The following ZNF438 variants were observed in gnomAD, a reference collection of about 807,000 sequenced individuals.
ZNF438 encodes zinc finger protein 438.
ZNF438 carries 25 observed loss-of-function variants against 38.0 expected under a neutral mutation model. The ratio of observed to expected loss-of-function variants is 0.66; its 90% CI spans 0.48 to 0.92. The LOEUF (loss-of-function observed/expected upper bound fraction) is 0.92, where lower values mean the gene tolerates loss of function less well. Ranked by LOEUF, ZNF438 falls within the 40% of genes least tolerant of loss-of-function variation. ZNF438 has a pLI of 0.00. For synonymous variants in ZNF438, 372 were observed against 364.1 expected (o/e 1.02, Z -0.25); for missense variants, 1,007 against 999.6 (o/e 1.01, Z -0.10).
At chr10:30,858,894 G>C (rs1305577392) in intron 4 of ZNF438, among the ~76,000 whole-genome samples, 1 of 152,182 alleles carries the variant, frequency 6.6e-6, no homozygotes, top group Non-Finnish European at 1.5e-5. Context: ...TTGTCAAACA[G>C]TGCATCCATC....
At chr10:31,002,587 C>G (rs2054764903) in intron 1 of ZNF438, among the ~76,000 whole-genome samples, 1 of 152,036 alleles carries the variant, frequency 6.6e-6, no homozygotes, top group South Asian at 2.1e-4. Flanking sequence ...CTAGCTAGAC[C>G]TGATTTAAAA....
intron 2 of ZNF438, among the ~76,000 whole-genome samples, chr10:30,929,743 A>C (rs1297313784): frequency 4.6e-5 from 7 of 152,196 alleles, no homozygotes; most frequent in African/African-American, 1.7e-4. Flanking sequence ...ACAATCCCTG[A>C]GCTAGACACA....
rs190119021 is a variant in ZNF438 at position 31,024,311 on chromosome 10, C to G, written c.-192+7522G>C. Among the ~76,000 whole-genome samples the G allele has an allele frequency of 1.9e-3, 288 of 151,204 alleles. 2 individuals are homozygous for G. Among genetic ancestry groups the G allele is most frequent in the African/African-American group, 6.7e-3 (279 of 41,394 alleles). ...TTGTCAAGAAGATTAAATGGGATAA[C>G]AATAACTGGTAACTTTAAAAGATTC... is the stretch of plus-strand genomic sequence containing the variant. On this transcript the variant is annotated intron_variant, in intron 1 of 5. Coordinates refer to ENST00000413025, the Ensembl canonical transcript of ZNF438.
At chr10:30,889,260 C>A (rs1365000301) in intron 3 of ZNF438, among the ~76,000 whole-genome samples, 1 of 152,194 alleles carries the variant, frequency 6.6e-6, no homozygotes, top group African/African-American at 2.4e-5. Context: ...ACTTAATCTA[C>A]AGAATAAATT....
At chr10:30,919,080 G>C (rs1308257783) in intron 2 of ZNF438, 1 of 152,106 alleles carries the variant, frequency 6.6e-6, no homozygotes. Flanking sequence ...ATTCCTACTT[G>C]GCCTTCTTTC....
intron 3 of ZNF438, 79 bp downstream of exon 4, chr10:30,908,854 A>T (rs908582497): frequency 6.6e-6 from 1 of 152,176 alleles, no homozygotes; most frequent in African/African-American, 2.4e-5. Flanking sequence ...TTTGCAGTTG[A>T]TTTAAGGTAG....
At chr10:30,892,544 TTC>T (rs1201937714) in intron 3 of ZNF438, among the ~76,000 whole-genome samples, 6 of 151,980 alleles carry the variant, frequency 3.9e-5, no homozygotes, top group Admixed American at 6.5e-5. Context: ...TTTTTTAACA[TTC>T]TGTTTGTATA....
intron 1 of ZNF438, among the ~76,000 whole-genome samples, chr10:30,947,758 G>A (rs139405449): frequency 0.079 from 12,088 of 152,222 alleles, 580 homozygotes; most frequent in Non-Finnish European, 0.11. Flanking sequence ...TCGGAAAAGC[G>A]CAGTATTCGG....
chr10:30,880,785 T>A (rs559651519), intron 3 of ZNF438, among the ~76,000 whole-genome samples: 4 of 152,158 alleles, frequency 2.6e-5, no homozygotes, highest in African/African-American at 9.7e-5. Context: ...AATATGAGAA[T>A]ACGTCATGAC....
In ZNF438 at chr10:30,946,886, T is replaced by C. The variant is rs116834884; in HGVS notation, c.-191-5235A>G. Among the ~76,000 whole-genome samples, 275 of 152,366 alleles carry C rather than the reference T, an allele frequency of 1.8e-3. 1 individual carries two copies. Among genetic ancestry groups the C allele is most frequent in the African/African-American group, 6.2e-3 (258 of 41,588 alleles). On this transcript the variant is annotated intron_variant, in intron 1 of 5. Coordinates refer to ENST00000413025, the Ensembl canonical transcript of ZNF438. ...GCCTATTATAAATATACTTGTATCT[T>C]TGTAGCTTTAGTGATTGTGCTCGTG...
intron 2 of ZNF438, among the ~76,000 whole-genome samples, chr10:30,938,357 C>T (rs2046472378): frequency 6.6e-6 from 1 of 151,876 alleles, no homozygotes; most frequent in African/African-American, 2.4e-5. Flanking sequence ...CTCACTGCAA[C>T]CTCTGCCTCC....
At chr10:30,907,792 TTTTCTC>T (rs1564621064) in intron 3 of ZNF438, among the ~76,000 whole-genome samples, 1 of 151,726 alleles carries the variant, frequency 6.6e-6, no homozygotes, top group African/African-American at 2.4e-5. Context: ...CTTTTATTGA[TTTTCTC>T]TATTGTTTTT....
intron 1 of ZNF438, among the ~76,000 whole-genome samples, chr10:30,983,713 TTCAAA>T (rs2052471972): frequency 6.6e-6 from 1 of 152,232 alleles, no homozygotes; most frequent in South Asian, 2.1e-4. Flanking sequence ...ATCTGGATTT[TTCAAA>T]TTATTTTTTT....
At chr10:30,979,707 C>A (rs572858728) in intron 1 of ZNF438, among the ~76,000 whole-genome samples, 6 of 152,242 alleles carry the variant, frequency 3.9e-5, no homozygotes, top group African/African-American at 1.4e-4. Context: ...TCTCATTGAT[C>A]TAATATTGAC....
At chr10:30,866,788 C>A (rs917166900) in intron 4 of ZNF438, among the ~76,000 whole-genome samples, 2 of 151,418 alleles carry the variant, frequency 1.3e-5, no homozygotes, top group Non-Finnish European at 1.5e-5. Context: ...GAGCCGAGAT[C>A]GCGCCACTGC....
chr10:31,021,579 G>GT (rs1170700976), intron 1 of ZNF438, among the ~76,000 whole-genome samples: 2 of 126,890 alleles, frequency 1.6e-5, no homozygotes, highest in African/African-American at 5.4e-5. Context: ...TTCTCACTTT[G>GT]TTTTTTTTCT....
chr10:30,886,243 A>G (rs1459987501), intron 3 of ZNF438, among the ~76,000 whole-genome samples: 2 of 152,230 alleles, frequency 1.3e-5, no homozygotes, highest in East Asian at 3.8e-4. Context: ...TTCTTTTGCC[A>G]TAACATGAAA....
chr10:30,871,492 T>C (rs1442576716), intron 4 of ZNF438, among the ~76,000 whole-genome samples: 2 of 152,202 alleles, frequency 1.3e-5, no homozygotes, highest in Non-Finnish European at 2.9e-5. Context: ...TCAAGAACTT[T>C]ATAAAAGACC....
chr10:30,923,367 C>G (rs2044543092), intron 2 of ZNF438: 3 of 152,100 alleles, frequency 2.0e-5, no homozygotes. Context: ...ATGTTGTTTT[C>G]ATTTGACAGT....
Sources: gnomAD v4.1 joint callset for allele counts (sites outside exome capture counted in the v4.1 genomes callset) on GRCh38, gnomAD v4.1.1 for gene constraint, MANE v1.5 for transcripts, NCBI Gene and HGNC (gene_info 2026-07-23, HGNC 2026-07-21) for gene names.